Variants in TMEM45A observed in about 807,000 individuals in gnomAD.
The protein encoded by TMEM45A is transmembrane protein 45A, also known as DNA polymerase-transactivated protein 4.
In TMEM45A, 25 loss-of-function variants were observed where a neutral mutation model predicts 32.0. The ratio of observed to expected loss-of-function variants is 0.78; its 90% CI spans 0.57 to 1.09. The LOEUF (loss-of-function observed/expected upper bound fraction) is 1.09, where lower values mean the gene tolerates loss of function less well. Ranked by LOEUF, TMEM45A falls within the 50% of genes least tolerant of loss-of-function variation. TMEM45A has a pLI of 0.00. For missense variants in TMEM45A, 302 were observed against 325.0 expected, an observed-to-expected ratio of 0.93 and a Z score of 0.54; for synonymous variants, 122 against 114.8, an observed-to-expected ratio of 1.06 and a Z score of -0.40.
At chr3:100,504,068 C>A (rs1576256745) in intron 1 of TMEM45A, among the ~76,000 whole-genome samples, 1 of 152,080 alleles carries the variant, frequency 6.6e-6, no homozygotes, top group South Asian at 2.1e-4. Flanking sequence ...CTTCCAGCTT[C>A]CTCTTACTGT....
At position 100,576,960 on chromosome 3, in the gene TMEM45A, C is replaced by T. The variant is rs751155705; in HGVS notation, c.770C>T (p.Ser257Leu). The change falls in exon 6 of 6, where the codon TCA becomes TTA. Residue 257 changes from serine to leucine, a missense_variant. Physicochemically the swap from Ser to Leu is moderately radical, Grantham distance 145. Coordinates refer to ENST00000323523, the MANE Select transcript of TMEM45A (RefSeq NM_018004.3). ...VKSRLKRLCS[S>L]EVGLLKNAER... is the part of the protein sequence containing the mutation. ...TCTAGACTTAAGAGGCTCTGCTCCT[C>T]AGAAGTTGGACTTCTGAAAAATGCT... 6.8e-6 allele frequency: 11 copies of T among 1,613,506 alleles called. No individual in the cohort carries two copies. The highest frequency in any genetic ancestry group is 9.3e-6 in the Non-Finnish European group (11 of 1,179,888).
chr3:100,497,893 A>G lies in TMEM45A; in HGVS notation c.-4+4965A>G, dbSNP rs114164009. On this transcript the variant is annotated intron_variant, in intron 1 of 5. Transcript: ENST00000323523. ...GCCACAGTACTGAGCTATTTGGCCA[A>G]ACATTATCCTAAATGTTTCTTTGAA... Among the ~76,000 whole-genome samples, 775 of 152,310 alleles carry G rather than the reference A, an allele frequency of 5.1e-3. 9 individuals are homozygous for G. The highest frequency in any genetic ancestry group is 0.017 in the Middle Eastern group (5 of 294).
At chr3:100,510,864 A>G (rs947943431) in intron 1 of TMEM45A, among the ~76,000 whole-genome samples, 3 of 152,250 alleles carry the variant, frequency 2.0e-5, no homozygotes, top group Non-Finnish European at 4.4e-5. Flanking sequence ...ACTGGAAGAA[A>G]GGTTATCAGC....
At chr3:100,546,156 T>C (rs932466639) in intron 1 of TMEM45A, among the ~76,000 whole-genome samples, 5 of 152,164 alleles carry the variant, frequency 3.3e-5, no homozygotes, top group African/African-American at 1.2e-4. Context: ...GGGAAAGACA[T>C]GTATTCTCCC....
intron 1 of TMEM45A, among the ~76,000 whole-genome samples, chr3:100,526,306 T>G (rs1422012583): frequency 6.6e-6 from 1 of 152,216 alleles, no homozygotes; most frequent in Non-Finnish European, 1.5e-5. Flanking sequence ...CCTCTTTAGC[T>G]TGAGGAACTC....
intron 4 of TMEM45A, among the ~76,000 whole-genome samples, chr3:100,562,746 G>A (rs889614737): frequency 2.6e-5 from 4 of 152,170 alleles, no homozygotes; most frequent in African/African-American, 7.2e-5. Flanking sequence ...TACCCCAACT[G>A]TAAAATAGAA....
chr3:100,500,578 G>A (rs1461742561), intron 1 of TMEM45A, among the ~76,000 whole-genome samples: 2 of 152,176 alleles, frequency 1.3e-5, no homozygotes, highest in African/African-American at 4.8e-5. Flanking sequence ...TCCCTGCCAA[G>A]GACTCTCACA....
intron 1 of TMEM45A, among the ~76,000 whole-genome samples, chr3:100,531,651 GA>G (rs1705650436): frequency 6.6e-6 from 1 of 152,326 alleles, no homozygotes. Context: ...AAGGGTTAAG[GA>G]AGAGAGAAGA....
At chr3:100,499,804 A>G (rs1707985527) in intron 1 of TMEM45A, among the ~76,000 whole-genome samples, 1 of 152,196 alleles carries the variant, frequency 6.6e-6, no homozygotes, top group African/African-American at 2.4e-5. Flanking sequence ...TGAGCCTGGG[A>G]GGTGGAGGCT....
chr3:100,543,721 C>T (rs1705931275), intron 1 of TMEM45A, among the ~76,000 whole-genome samples: 1 of 152,086 alleles, frequency 6.6e-6, no homozygotes, highest in African/African-American at 2.4e-5. Flanking sequence ...TAAAAAATTA[C>T]ATTCCCTAGT....
chr3:100,510,647 A>G (rs1228621745), intron 1 of TMEM45A, among the ~76,000 whole-genome samples: 2 of 152,240 alleles, frequency 1.3e-5, no homozygotes, highest in African/African-American at 2.4e-5. Flanking sequence ...AGCTGAGAGA[A>G]GAAGGCTTCA....
chr3:100,534,207 GT>G (rs1452401626), intron 1 of TMEM45A, among the ~76,000 whole-genome samples: 2 of 152,180 alleles, frequency 1.3e-5, no homozygotes, highest in Admixed American at 1.3e-4. Context: ...TCCTAAGAGG[GT>G]TGTGATAAGC....
intron 5 of TMEM45A, among the ~76,000 whole-genome samples, chr3:100,575,879 C>T (rs111373617): frequency 1.2e-3 from 186 of 152,320 alleles, no homozygotes; most frequent in Middle Eastern, 3.4e-3. Flanking sequence ...ACCCTAGAGG[C>T]GGGCTTCATG....
intron 1 of TMEM45A, among the ~76,000 whole-genome samples, chr3:100,509,390 AT>A (rs1245965574): frequency 6.6e-6 from 1 of 152,248 alleles, no homozygotes; most frequent in East Asian, 1.9e-4. Flanking sequence ...TCTCAAAAAA[AT>A]AAATGCAGAA....
chr3:100,554,386 C>G (rs755077769), intron 1 of TMEM45A, among the ~76,000 whole-genome samples: 18 of 152,194 alleles, frequency 1.2e-4, no homozygotes, highest in Non-Finnish European at 2.1e-4. Flanking sequence ...AAATCTGAAG[C>G]AGGCTGGTTG....
At chr3:100,535,905 G>A (rs1487965371) in intron 1 of TMEM45A, among the ~76,000 whole-genome samples, 2 of 152,172 alleles carry the variant, frequency 1.3e-5, no homozygotes, top group East Asian at 3.8e-4. Context: ...ATAGTTAACA[G>A]CTAAGTTTGT....
At position 100,558,395 on chromosome 3, in the gene TMEM45A, T is replaced by TC. The variant is rs1415674644; in HGVS notation, c.404-6dup. The TC allele has an allele frequency of 6.2e-7, 1 of 1,612,304 alleles. No individual in the cohort carries two copies. The highest frequency in any genetic ancestry group is 1.3e-5 in the African/African-American group (1 of 74,850). ...CCACTGAAAAAGACAATCTGTTTTT[T>TC]CCCCATCAGCCTTTATCTTCTACAA... On this transcript the variant is annotated splice_polypyrimidine_tract_variant and intron_variant, in intron 3 of 5. Coordinates refer to ENST00000323523, the MANE Select transcript of TMEM45A (RefSeq NM_018004.3).
intron 1 of TMEM45A, among the ~76,000 whole-genome samples, chr3:100,533,749 G>A (rs1217623759): frequency 3.9e-5 from 6 of 152,130 alleles, no homozygotes; most frequent in Non-Finnish European, 8.8e-5. Flanking sequence ...ATGACATGAG[G>A]CAGTGCCTAC....
At chr3:100,560,544 A>G (rs1357439855) in intron 4 of TMEM45A, among the ~76,000 whole-genome samples, 2 of 152,038 alleles carry the variant, frequency 1.3e-5, no homozygotes, top group Non-Finnish European at 2.9e-5. Flanking sequence ...TTTATTTCTA[A>G]TGTAATTGTT....
Sources: allele counts gnomAD v4.1 joint callset (sites outside exome capture counted in the v4.1 genomes callset), GRCh38; gene constraint gnomAD v4.1.1; transcripts MANE v1.5; gene names NCBI Gene and HGNC (gene_info 2026-07-23, HGNC 2026-07-21).